Variants in MEPE observed in about 807,000 individuals in gnomAD.
MEPE encodes matrix extracellular phosphoglycoprotein.
MEPE carries 7 observed loss-of-function variants against 7.3 expected under a neutral mutation model. That is an observed-to-expected ratio of 0.95 (90% CI 0.54 to 1.79). MEPE has a LOEUF of 1.79. MEPE is among the 40% of genes most tolerant of loss of function. The probability of loss-of-function intolerance (pLI) is 0.00; values close to 1 mark genes in which losing one functional copy is unlikely to be tolerated. For synonymous variants in MEPE, 214 were observed against 213.1 expected (o/e 1.00, Z -0.04); for missense variants, 623 against 628.2 (o/e 0.99, Z 0.09).
rs1344192260 is a variant in MEPE, at chr4:87,845,527, T to C, written c.659T>C (p.Ile220Thr). 6.2e-7 allele frequency: 1 copy of C among 1,612,930 alleles called. No homozygotes were observed. The highest frequency in any genetic ancestry group is 8.5e-7 in the Non-Finnish European group (1 of 1,179,724). Reference protein sequence around the residue: ...SKSTHRIQHNIDYLKHLSKVK... With the variant: ...SKSTHRIQHNTDYLKHLSKVK... Reference sequence around the variant, plus strand: ...AGCACCCATCGTATTCAACACAACATTGACTACCTAAAACATCTCTCAAAA... The same window carrying C: ...AGCACCCATCGTATTCAACACAACACTGACTACCTAAAACATCTCTCAAAA... The change falls in exon 4 of 4, where the codon ATT becomes ACT. Residue 220 changes from isoleucine (I) to threonine (T), a missense_variant. Ile to Thr is a moderately conservative substitution (Grantham distance 89). Transcript: ENST00000361056.
chr4:87,832,193 C>A (rs1404851882), upstream of MEPE, among the ~76,000 whole-genome samples: 1 of 152,066 alleles, frequency 6.6e-6, no homozygotes, highest in Admixed American at 6.6e-5. Flanking sequence ...CTGGGGTCTG[C>A]CTTCATGACT....
intron 3 of MEPE, among the ~76,000 whole-genome samples, chr4:87,840,785 G>C (rs1378539273): frequency 1.3e-5 from 2 of 152,136 alleles, no homozygotes; most frequent in East Asian, 3.9e-4. Context: ...GGAAATAATT[G>C]TGTGGGGCCA....
chr4:87,835,527 T>G (rs953313812), intron 2 of MEPE, among the ~76,000 whole-genome samples: 2 of 152,184 alleles, frequency 1.3e-5, no homozygotes, highest in African/African-American at 4.8e-5. Flanking sequence ...CCATTGCCAA[T>G]CATACTTATA....
chr4:87,840,057 G>A (rs1292218243), intron 3 of MEPE: 1 of 1,533,824 alleles, frequency 6.5e-7, no homozygotes, highest in Non-Finnish European at 8.7e-7. Context: ...GACCTCAGGT[G>A]CCCATGGACT....
intron 1 of MEPE, among the ~76,000 whole-genome samples, chr4:87,827,850 C>T (rs1392360326): frequency 1.3e-5 from 2 of 152,272 alleles, no homozygotes; most frequent in East Asian, 3.9e-4. Context: ...CTGTGACCCT[C>T]CATGATTCTG....
intron 2 of MEPE, among the ~76,000 whole-genome samples, chr4:87,836,996 G>A (rs1722819843): frequency 6.6e-6 from 1 of 152,204 alleles, no homozygotes; most frequent in South Asian, 2.1e-4. Context: ...CTATGCCTTG[G>A]AGTCCAGCCA....
Position 87,846,004 on chromosome 4 carries a change from C to T in MEPE, c.1136C>T (p.Ser379Leu), listed in dbSNP as rs769080207. The change falls in exon 4 of 4, where the codon TCA (serine) becomes TTA (leucine). Residue 379 changes from serine (S) to leucine (L), a missense_variant. Ser to Leu is a moderately radical substitution (Grantham distance 145). Transcript: ENST00000361056. ...GAGTTTCATTACCCTCCTGCACCCT[C>T]AAAAGAGAAAAGAAAAGAAGGCAGT... ...KVEFHYPPAP[S>L]KEKRKEGSSD... is the part of the protein sequence containing the mutation. 3 of 1,613,712 alleles carry T rather than the reference C, an allele frequency of 1.9e-6. No individual in the cohort carries two copies. The Admixed American group carries it at 5.0e-5, about 27-fold the overall frequency.
chr4:87,829,728 TG>T (rs1165549080), upstream of MEPE, among the ~76,000 whole-genome samples: 1 of 148,962 alleles, frequency 6.7e-6, no homozygotes, highest in Non-Finnish European at 1.5e-5. Flanking sequence ...GAGCATTTTT[TG>T]TGGATTTCAC....
chr4:87,837,527 C>A (rs1722845623), intron 2 of MEPE: 1 of 152,246 alleles, frequency 6.6e-6, no homozygotes. Flanking sequence ...CTGTATTAAA[C>A]AAAATATAGA....
upstream of MEPE, among the ~76,000 whole-genome samples, chr4:87,831,110 A>G (rs1722588498): frequency 6.6e-6 from 1 of 152,174 alleles, no homozygotes; most frequent in South Asian, 2.1e-4. Context: ...CATAATGTCA[A>G]TGACCTTTAC....
At chr4:87,828,956 C>A (rs72875448), upstream of MEPE, among the ~76,000 whole-genome samples, 2,087 of 152,204 alleles carry the variant, frequency 0.014, 43 homozygotes, top group African/African-American at 0.048. Flanking sequence ...TGTGAAGATA[C>A]ATATTTTTTT....
chr4:87,840,355 T>C (rs1722968524), intron 3 of MEPE, among the ~76,000 whole-genome samples: 1 of 152,166 alleles, frequency 6.6e-6, no homozygotes, highest in Non-Finnish European at 1.5e-5. Flanking sequence ...GGGCTGGAAA[T>C]AGCTTGAAAT....
chr4:87,840,166 C>A, intron 3 of MEPE: 1 of 1,289,144 alleles, frequency 7.8e-7, no homozygotes, highest in Non-Finnish European at 1.0e-6. Context: ...CAGCAGGGGA[C>A]GGCTAAGAGG....
chr4:87,834,430 T>C (rs1722703064), intron 1 of MEPE, among the ~76,000 whole-genome samples: 1 of 152,226 alleles, frequency 6.6e-6, no homozygotes, highest in South Asian at 2.1e-4. Context: ...TAAATGTGTC[T>C]ATAAAATATA....
chr4:87,845,657 G>A lies in MEPE; in HGVS notation c.789G>A (p.Lys263=), dbSNP rs1723205939. The part of the protein sequence containing the change: ...SPFSGDGQPF[K]DIPGKGEATG... ...TCAGTGGGGACGGCCAACCTTTTAA[G>A]GACATTCCTGGTAAAGGAGAAGCTA... Residue 263 remains lysine (K), a synonymous_variant, in exon 4 of 4, where the codon AAG becomes AAA. Coordinates refer to ENST00000361056, the MANE Select transcript of MEPE (RefSeq NM_020203.6). 1.2e-6 allele frequency: 2 copies of A among 1,613,870 alleles called. No individual in the cohort carries two copies. Among genetic ancestry groups the A allele is most frequent in the Non-Finnish European group, 1.7e-6 (2 of 1,179,932 alleles).
chr4:87,823,004 T>C (rs1216404307), intron 1 of MEPE, among the ~76,000 whole-genome samples: 1 of 152,188 alleles, frequency 6.6e-6, no homozygotes, highest in African/African-American at 2.4e-5. Flanking sequence ...GCAGAGCAGC[T>C]CCCCTGAATA....
At chr4:87,828,815 A>G (rs1002484981), upstream of MEPE, among the ~76,000 whole-genome samples, 3 of 152,184 alleles carry the variant, frequency 2.0e-5, no homozygotes, top group African/African-American at 7.2e-5. Context: ...TAGGTGCATC[A>G]TTGGTGGAGG....
Position 87,846,088 on chromosome 4 carries a change from C to T in MEPE, c.1220C>T (p.Thr407Ile). The stretch of plus-strand genomic sequence containing the variant: ...ATTCCTAAAAATGGCAAAGGCAGTA[C>T]CAGAAAGGGTGTAGATCATTCTAAT... ...NEIPKNGKGS[T>I]RKGVDHSNRN... is the part of the protein sequence containing the mutation. The change falls in exon 4 of 4, where the codon ACC becomes ATC. Residue 407 changes from threonine (T) to isoleucine (I), a missense_variant. Physicochemically the swap from Thr to Ile is moderately conservative, Grantham distance 89. Coordinates refer to ENST00000361056, the MANE Select transcript of MEPE (RefSeq NM_020203.6). 6.2e-7 allele frequency: 1 copy of T among 1,613,848 alleles called. No individual in the cohort carries two copies. Among genetic ancestry groups the T allele is most frequent in the Non-Finnish European group, 8.5e-7 (1 of 1,179,920 alleles).
intron 3 of MEPE, among the ~76,000 whole-genome samples, chr4:87,840,286 T>C (rs1381411453): frequency 1.3e-5 from 2 of 152,176 alleles, no homozygotes; most frequent in African/African-American, 4.8e-5. Flanking sequence ...GAGGCCCTTG[T>C]CACTACAATG....
Sources: allele counts gnomAD v4.1 joint callset (sites outside exome capture counted in the v4.1 genomes callset), GRCh38; gene constraint gnomAD v4.1.1; transcripts MANE v1.5; gene names NCBI Gene and HGNC (gene_info 2026-07-23, HGNC 2026-07-21).